Variants in ZNRF1 observed in about 807,000 individuals in gnomAD.
ZNRF1 encodes zinc and ring finger 1, also known as E3 ubiquitin-protein ligase ZNRF1.
A neutral mutation model predicts 18.4 loss-of-function variants in ZNRF1; 3 were observed. The ratio of observed to expected loss-of-function variants is 0.16; its 90% CI spans 0.07 to 0.42. The LOEUF (loss-of-function observed/expected upper bound fraction) is 0.42. ZNRF1 is among the 10% of genes least tolerant of loss of function. ZNRF1 has a pLI of 0.99. For synonymous variants in ZNRF1, 157 were observed against 144.2 expected, an observed-to-expected ratio of 1.09 and a Z score of -0.64; for missense variants, 310 against 329.8, an observed-to-expected ratio of 0.94 and a Z score of 0.47.
intron 1 of ZNRF1, among the ~76,000 whole-genome samples, chr16:75,032,005 T>C (rs534274800): frequency 1.3e-5 from 2 of 152,330 alleles, no homozygotes; most frequent in African/African-American, 4.8e-5. Flanking sequence ...CCAACACTTA[T>C]TATTACCTGT....
At chr16:75,069,435 A>G (rs923778375) in intron 1 of ZNRF1, among the ~76,000 whole-genome samples, 7 of 151,886 alleles carry the variant, frequency 4.6e-5, no homozygotes, top group Admixed American at 6.6e-5. Context: ...TTTTTTTGAG[A>G]CAGAGTCTTG....
At chr16:75,029,458 T>TA (rs968776058) in intron 1 of ZNRF1, among the ~76,000 whole-genome samples, 23 of 152,098 alleles carry the variant, frequency 1.5e-4, no homozygotes, top group African/African-American at 5.1e-4. Context: ...GACCTTTTCT[T>TA]AAAAAACAAA....
At chr16:75,064,561 GAA>G (rs566037984) in intron 1 of ZNRF1, among the ~76,000 whole-genome samples, 5 of 127,134 alleles carry the variant, frequency 3.9e-5, no homozygotes, top group East Asian at 4.6e-4. Context: ...GTCTCCGAGG[GAA>G]AAAAAAAAAA....
chr16:75,017,195 G>T (rs2035084048), intron 1 of ZNRF1, among the ~76,000 whole-genome samples: 1 of 152,104 alleles, frequency 6.6e-6, no homozygotes, highest in Non-Finnish European at 1.5e-5. Context: ...TTGGCACTTT[G>T]TGCTTCCAGA....
chr16:75,069,956 G>A (rs971483498), intron 1 of ZNRF1, among the ~76,000 whole-genome samples: 2 of 152,024 alleles, frequency 1.3e-5, no homozygotes, highest in African/African-American at 2.4e-5. Flanking sequence ...TTGCCCAAGC[G>A]AGCTGCTTGA....
chr16:75,093,448 T>A, intron 1 of ZNRF1, 124 bp from the exon 2 acceptor site: 1 of 709,572 alleles, frequency 1.4e-6, no homozygotes, highest in Non-Finnish European at 2.5e-6. Flanking sequence ...GTCCAGGGTC[T>A]GTTCTGATGG....
At chr16:75,081,043 C>G (rs112855777) in intron 1 of ZNRF1, among the ~76,000 whole-genome samples, 5 of 151,742 alleles carry the variant, frequency 3.3e-5, no homozygotes, top group Admixed American at 2.0e-4. Flanking sequence ...CGTGGTGGTG[C>G]GCGCCTGTAG....
chr16:75,003,993 T>C (rs1434653302), intron 1 of ZNRF1, among the ~76,000 whole-genome samples: 1 of 151,796 alleles, frequency 6.6e-6, no homozygotes, highest in African/African-American at 2.4e-5. Flanking sequence ...CAGGGTCTTA[T>C]TCTGTCACCC....
chr16:75,043,382 A>AT (rs1451909219), intron 1 of ZNRF1, among the ~76,000 whole-genome samples: 3 of 152,006 alleles, frequency 2.0e-5, no homozygotes, highest in African/African-American at 7.3e-5. Flanking sequence ...TTTAAGGAAC[A>AT]TTTTTTCTCT....
chr16:75,031,486 A>G (rs1015493804), intron 1 of ZNRF1, among the ~76,000 whole-genome samples: 4 of 151,418 alleles, frequency 2.6e-5, no homozygotes, highest in African/African-American at 9.7e-5. Flanking sequence ...TTTTTTTTCT[A>G]AGGTTTTTTG....
In ZNRF1 at chr16:75,051,531, T is replaced by TG. The variant is rs1222222271; in HGVS notation, c.425-42034dup. Among the ~76,000 whole-genome samples the TG allele has an allele frequency of 2.7e-3, 404 of 151,104 alleles. 5 individuals are homozygous for TG. Among genetic ancestry groups the TG allele is most frequent in the African/African-American group, 9.0e-3 (371 of 41,128 alleles). ...GCCTGCATCTTCCCCTTTTTTTTTT[T>TG]GGGGGGGACGGAGTCTTGCTGTGTC... is the stretch of plus-strand genomic sequence containing the variant. On this transcript the variant is annotated intron_variant, in intron 1 of 4. Transcript: ENST00000335325.
chr16:75,016,465 C>T (rs886848262), intron 1 of ZNRF1, among the ~76,000 whole-genome samples: 1 of 151,994 alleles, frequency 6.6e-6, no homozygotes, highest in Non-Finnish European at 1.5e-5. Flanking sequence ...GTCTTGTACT[C>T]CTGACCTCAA....
intron 1 of ZNRF1, among the ~76,000 whole-genome samples, chr16:75,076,630 G>A (rs1033333180): frequency 1.4e-5 from 2 of 146,632 alleles, no homozygotes; most frequent in Admixed American, 1.3e-4. Flanking sequence ...CTCTCTTGGG[G>A]CACAGTTTTC....
At chr16:75,073,154 G>GTCTC (rs2035893762) in intron 1 of ZNRF1, among the ~76,000 whole-genome samples, 4 of 78,302 alleles carry the variant, frequency 5.1e-5, no homozygotes, top group African/African-American at 1.0e-4. Flanking sequence ...CTCTCTCTCT[G>GTCTC]TCTCTCTGTC....
At chr16:75,028,846 T>C (rs1365179463) in intron 1 of ZNRF1, among the ~76,000 whole-genome samples, 2 of 152,248 alleles carry the variant, frequency 1.3e-5, no homozygotes, top group Non-Finnish European at 2.9e-5. Flanking sequence ...AAACACTGTC[T>C]TCACTGCTTC....
intron 1 of ZNRF1, among the ~76,000 whole-genome samples, chr16:75,026,310 A>G (rs1390651675): frequency 6.6e-6 from 1 of 152,106 alleles, no homozygotes; most frequent in African/African-American, 2.4e-5. Context: ...CTGTGTGGGC[A>G]AGAGTAAAAG....
chr16:75,017,444 T>C (rs1212368578), intron 1 of ZNRF1, among the ~76,000 whole-genome samples: 1 of 152,222 alleles, frequency 6.6e-6, no homozygotes, highest in Non-Finnish European at 1.5e-5. Flanking sequence ...CAAATAAATA[T>C]TACATATCCA....
chr16:75,006,963 T>A (rs569316897), intron 1 of ZNRF1, among the ~76,000 whole-genome samples: 2 of 152,176 alleles, frequency 1.3e-5, no homozygotes, highest in Non-Finnish European at 2.9e-5. Flanking sequence ...CTGTCCTTTA[T>A]GTGCTGTATG....
chr16:74,999,763 C>T lies in ZNRF1; in HGVS notation c.92C>T (p.Ala31Val), dbSNP rs913438444. The change falls in exon 1 of 5, where the codon GCG becomes GTG. Residue 31 changes from alanine to valine, a missense_variant. This residue lies in a region of ZNRF1 where 293 missense variants were observed against 291.2 expected (regional missense o/e 1.01). Coordinates refer to ENST00000335325, the MANE Select transcript of ZNRF1 (RefSeq NM_032268.5). ...DDSAVPPPGG[A>V]PHFGHYRTGG... ...AGCGCCGTGCCGCCGCCGGGAGGGG[C>T]GCCCCATTTCGGGCACTACCGGACG... The T allele has an allele frequency of 2.2e-6, 3 of 1,393,652 alleles. No individual in the cohort carries two copies. Among genetic ancestry groups the T allele is most frequent in the Middle Eastern group, 2.3e-4 (1 of 4,340 alleles). The allele number at this position is 1,393,652 out of a possible 1,614,324, so 86.3% of individuals were successfully genotyped here.
Sources: gnomAD v4.1 joint callset for allele counts (sites outside exome capture counted in the v4.1 genomes callset) on GRCh38, gnomAD v4.1.1 for gene constraint, gnomAD v4.1.1 regional missense constraint, MANE v1.5 for transcripts, NCBI Gene and HGNC (gene_info 2026-07-23, HGNC 2026-07-21) for gene names.